The following FBXL13 variants were observed in gnomAD, a reference collection of about 807,000 sequenced individuals.
FBXL13 encodes F-box and leucine-rich repeat protein 13.
FBXL13 carries 67 observed loss-of-function variants against 83.6 expected under a neutral mutation model. The observed-to-expected ratio is 0.80, with a 90% CI of 0.66 to 0.98. The LOEUF is 0.98. Ranked by LOEUF, FBXL13 falls within the 50% of genes least tolerant of loss-of-function variation. FBXL13 has a pLI of 0.00. For synonymous variants in FBXL13, 272 were observed against 299.5 expected (o/e 0.91, Z 0.95); for missense variants, 822 against 866.5 (o/e 0.95, Z 0.64).
intron 1 of FBXL13, among the ~76,000 whole-genome samples, chr7:103,068,178 C>A (rs1302927000): frequency 1.3e-5 from 2 of 152,110 alleles, no homozygotes; most frequent in South Asian, 2.1e-4. Flanking sequence ...ACTGCGGGCA[C>A]AAGAACAATG....
intron 6 of FBXL13, among the ~76,000 whole-genome samples, chr7:103,007,293 T>C (rs181086626): frequency 1.4e-4 from 21 of 151,784 alleles, no homozygotes; most frequent in African/African-American, 5.1e-4. Context: ...AGGCACATCA[T>C]AATCAAACTG....
chr7:102,993,399 T>C (rs1473731217), intron 6 of FBXL13, among the ~76,000 whole-genome samples: 1 of 152,216 alleles, frequency 6.6e-6, no homozygotes, highest in Admixed American at 6.5e-5. Context: ...TATAACCGTT[T>C]GCAAGTCCAC....
intron 18 of FBXL13, 34 bp downstream of exon 19, chr7:102,832,806 T>C (rs139176374): frequency 3.3e-5 from 54 of 1,612,854 alleles, no homozygotes; most frequent in African/African-American, 2.5e-4. Flanking sequence ...AGTGCTTAAA[T>C]TGGATGTGTT....
chr7:102,871,594 C>T (rs540752063), intron 16 of FBXL13, among the ~76,000 whole-genome samples: 3 of 151,836 alleles, frequency 2.0e-5, no homozygotes, highest in Non-Finnish European at 4.4e-5. Context: ...GGTTGTGTCA[C>T]GTTGGCCAAG....
intron 17 of FBXL13, among the ~76,000 whole-genome samples, chr7:102,838,495 G>A (rs1307579586): frequency 6.6e-6 from 1 of 151,778 alleles, no homozygotes; most frequent in Admixed American, 6.6e-5. Flanking sequence ...CTGTCACCCA[G>A]GCTGGAGTGC....
At chr7:102,937,947 G>A (rs1334627743) in intron 8 of FBXL13, among the ~76,000 whole-genome samples, 2 of 152,206 alleles carry the variant, frequency 1.3e-5, no homozygotes, top group East Asian at 1.9e-4. Flanking sequence ...GAGTCAGATG[G>A]TGTGTATAGG....
intron 10 of FBXL13, among the ~76,000 whole-genome samples, chr7:102,919,253 G>A (rs146373649): frequency 6.6e-6 from 1 of 152,292 alleles, no homozygotes; most frequent in East Asian, 1.9e-4. Context: ...GAACACTGCT[G>A]TTCCTAAAAT....
Position 103,017,165 on chromosome 7 carries a change from A to C in FBXL13, c.495+7898T>G, listed in dbSNP as rs562097160. ...GATCAGGCAGAAACATTTGCTGTTC[A>C]GCAATATTTGCTGTTCTGCAGCCTC... On this transcript the variant is annotated intron_variant, in intron 6 of 19. Coordinates refer to ENST00000313221, the Ensembl canonical transcript of FBXL13. 3.3e-5 allele frequency among the ~76,000 whole-genome samples: 5 copies of C among 152,238 alleles called. No homozygotes were observed. The East Asian group carries it at 9.7e-4, about 29-fold the overall frequency.
chr7:103,018,866 CAA>C, intron 6 of FBXL13, among the ~76,000 whole-genome samples: 1 of 152,160 alleles, frequency 6.6e-6, no homozygotes, highest in Middle Eastern at 3.4e-3. Context: ...GACTCCCACA[CAA>C]TAATAATGGG....
At chr7:102,898,957 C>T (rs970570778) in intron 11 of FBXL13, among the ~76,000 whole-genome samples, 2 of 152,088 alleles carry the variant, frequency 1.3e-5, no homozygotes, top group African/African-American at 4.8e-5. Flanking sequence ...CACTCTGCCG[C>T]CCAGGCTGAA....
chr7:102,922,807 C>A (rs1023104451), intron 10 of FBXL13, among the ~76,000 whole-genome samples: 1 of 151,058 alleles, frequency 6.6e-6, no homozygotes, highest in Non-Finnish European at 1.5e-5. Flanking sequence ...CCCGTCTCTA[C>A]TAAAAATACA....
At chr7:102,819,736 A>T (rs1264984182) in intron 19 of FBXL13, among the ~76,000 whole-genome samples, 1 of 152,186 alleles carries the variant, frequency 6.6e-6, no homozygotes, top group Non-Finnish European at 1.5e-5. Context: ...TGTTTCACCC[A>T]GACAAATCAA....
At chr7:103,021,783 A>T (rs968059697) in intron 6 of FBXL13, among the ~76,000 whole-genome samples, 4 of 152,228 alleles carry the variant, frequency 2.6e-5, no homozygotes, top group African/African-American at 9.6e-5. Context: ...CCACCATGAG[A>T]TACCATCTCA....
intron 19 of FBXL13, chr7:102,814,324 C>T (rs908217138): frequency 1.3e-5 from 2 of 152,010 alleles, no homozygotes; most frequent in Non-Finnish European, 2.9e-5. Context: ...CCACTCTTGC[C>T]GTATGTTACC....
chr7:102,922,747 C>T lies in FBXL13; in HGVS notation c.878+3527G>A, dbSNP rs1049317961. On this transcript the variant is annotated intron_variant, in intron 10 of 19. Transcript: ENST00000313221. Reference sequence around the variant, plus strand: ...CAGCACTTTGGGAGGCCGAGGCGGGCGGATCACGAGGTCAGGAGATCGAGA... The same window carrying T: ...CAGCACTTTGGGAGGCCGAGGCGGGTGGATCACGAGGTCAGGAGATCGAGA... Among the ~76,000 whole-genome samples the T allele has an allele frequency of 2.2e-4, 33 of 151,822 alleles. No individual in the cohort carries two copies. In the South Asian group the frequency reaches 3.7e-3, roughly 17 times the overall value.
At chr7:102,973,205 G>A (rs1826945831) in intron 6 of FBXL13, 1 of 234,258 alleles carries the variant, frequency 4.3e-6, no homozygotes, top group Non-Finnish European at 8.4e-6. Flanking sequence ...TGTTCATTTT[G>A]TTTTTGAAAG....
At chr7:102,912,903 A>C in intron 11 of FBXL13, 183 bp downstream of exon 12, 1 of 679,732 alleles carries the variant, frequency 1.5e-6, no homozygotes, top group South Asian at 2.3e-5. Context: ...AGTGGAAGGA[A>C]GCCAAGAGCC....
At chr7:102,954,733 G>T (rs1044724337) in intron 8 of FBXL13, among the ~76,000 whole-genome samples, 1 of 152,008 alleles carries the variant, frequency 6.6e-6, no homozygotes, top group Admixed American at 6.6e-5. Flanking sequence ...AAAAGGAGGG[G>T]TTGCCATCCT....
intron 11 of FBXL13, among the ~76,000 whole-genome samples, chr7:102,898,159 G>A (rs772328573): frequency 1.3e-5 from 2 of 151,646 alleles, no homozygotes; most frequent in African/African-American, 2.4e-5. Context: ...CCAGCCACTC[G>A]ACTCCTATAC....
Sources: gnomAD v4.1 joint callset for allele counts (sites outside exome capture counted in the v4.1 genomes callset) on GRCh38, gnomAD v4.1.1 for gene constraint, MANE v1.5 for transcripts, NCBI Gene and HGNC (gene_info 2026-07-23, HGNC 2026-07-21) for gene names.